Variants in CTXND1 observed in about 807,000 individuals in gnomAD.
CTXND1 encodes cortexin domain containing 1, also known as cortexin domain-containing 1 protein.
At chr15:80,212,227 G>A (rs959597056) in intron 1 of CTXND1, among the ~76,000 whole-genome samples, 1 of 152,174 alleles carries the variant, frequency 6.6e-6, no homozygotes, top group Non-Finnish European at 1.5e-5. Context: ...GCTTCCTCCA[G>A]TCCCGTGTCA....
intron 1 of CTXND1, among the ~76,000 whole-genome samples, chr15:80,227,447 TCTC>T (rs929820156): frequency 3.9e-5 from 6 of 152,154 alleles, no homozygotes; most frequent in African/African-American, 1.4e-4. Flanking sequence ...GTCTATTCTT[TCTC>T]CTCCTCAAGT....
rs1043529415 is a variant in CTXND1 at position 80,200,919 on chromosome 15, C to A, written c.*851G>T. On this transcript the variant is annotated 3_prime_UTR_variant, in exon 3 of 3. Transcript: ENST00000560778. ...CCTACCCAACCGATGGGATGCCCTT[C>A]GGTCACTAAAACTGGCAGCTAAGAA... 1 of 152,158 alleles carries A rather than the reference C, an allele frequency of 6.6e-6. No homozygotes were observed. Among genetic ancestry groups the A allele is most frequent in the Non-Finnish European group, 1.5e-5 (1 of 68,022 alleles). The allele number at this position is 152,158 out of a possible 1,614,324, so 9.4% of individuals were successfully genotyped here.
At chr15:80,217,752 G>A (rs543129717) in intron 1 of CTXND1, among the ~76,000 whole-genome samples, 1 of 152,102 alleles carries the variant, frequency 6.6e-6, no homozygotes, top group Admixed American at 6.5e-5. Flanking sequence ...TCACCATGTT[G>A]CCCAGGCTGG....
chr15:80,247,276 C>T (rs1893643153), intron 1 of CTXND1, among the ~76,000 whole-genome samples: 1 of 152,114 alleles, frequency 6.6e-6, no homozygotes, highest in African/African-American at 2.4e-5. Flanking sequence ...TAGCAACATT[C>T]CACGTGTAGG....
At chr15:80,223,349 G>A (rs747472114) in intron 1 of CTXND1, among the ~76,000 whole-genome samples, 39 of 152,244 alleles carry the variant, frequency 2.6e-4, no homozygotes, top group Non-Finnish European at 4.1e-4. Flanking sequence ...GAGCCACCGC[G>A]CCCGGCCGAG....
intron 1 of CTXND1, among the ~76,000 whole-genome samples, chr15:80,247,720 T>C (rs1242826568): frequency 6.6e-6 from 1 of 152,152 alleles, no homozygotes; most frequent in East Asian, 1.9e-4. Flanking sequence ...CTTGTTCACA[T>C]GGAAATGTGG....
chr15:80,240,860 C>T (rs771280467), intron 1 of CTXND1, among the ~76,000 whole-genome samples: 6 of 152,148 alleles, frequency 3.9e-5, no homozygotes, highest in Non-Finnish European at 7.3e-5. Context: ...TCAAAGCATC[C>T]GGATATCCTG....
rs1176112215 is a variant in CTXND1 at position 80,196,662 on chromosome 15, T to C, written c.*5108A>G. 1 of 152,190 alleles carries C rather than the reference T, an allele frequency of 6.6e-6. No individual in the cohort carries two copies. The highest frequency in any genetic ancestry group is 2.4e-5 in the African/African-American group (1 of 41,434). The allele number at this position is 152,190 out of a possible 1,614,324, so 9.4% of individuals were successfully genotyped here. On this transcript the variant is annotated 3_prime_UTR_variant, in exon 3 of 3. Coordinates refer to ENST00000560778, the MANE Select transcript of CTXND1 (RefSeq NM_001352888.2). ...TTCCCCTGTGCCGGGGACAAAATAT[T>C]TTTCTCCCATCTAAGCAAAGTTTGT...
rs2041442144 is a variant in CTXND1, at chr15:80,200,297, A to C, written c.*1473T>G. 6.6e-6 allele frequency: 1 copy of C among 152,136 alleles called. No individual in the cohort carries two copies. 9.4% of individuals were successfully genotyped at this position (152,136 alleles called of 1,614,324 possible). A position where few individuals can be genotyped will look rare whatever the true frequency, so the allele number is the denominator to read the frequency against. On this transcript the variant is annotated 3_prime_UTR_variant, in exon 3 of 3. Coordinates refer to ENST00000560778, the MANE Select transcript of CTXND1 (RefSeq NM_001352888.2). Reference sequence around the variant, plus strand: ...GTTCTCTCATTTCGTCCTCACAACAACCTTGCGAGGTAGATGTTATTCCCT... The same window carrying C: ...GTTCTCTCATTTCGTCCTCACAACACCCTTGCGAGGTAGATGTTATTCCCT...
intron 1 of CTXND1, among the ~76,000 whole-genome samples, chr15:80,239,718 A>G (rs1893543240): frequency 6.6e-6 from 1 of 152,132 alleles, no homozygotes; most frequent in Admixed American, 6.5e-5. Context: ...AGAGAACCCT[A>G]ATACAATCAC....
chr15:80,233,181 C>T lies in CTXND1; in HGVS notation c.-218+18826G>A, dbSNP rs566153356. Among the ~76,000 whole-genome samples, 10 of 152,152 alleles carry T rather than the reference C, an allele frequency of 6.6e-5. No homozygotes were observed. The South Asian group carries it at 2.1e-3, about 32-fold the overall frequency. ...GTCTTCAACTCCTGACCTTGTGATC[C>T]ACCCGCCTCAGCCTCCAAAAGTGCT... On this transcript the variant is annotated intron_variant, in intron 1 of 2. Transcript: ENST00000560778.
At chr15:80,219,062 G>C (rs1448680388) in intron 1 of CTXND1, among the ~76,000 whole-genome samples, 1 of 149,914 alleles carries the variant, frequency 6.7e-6, no homozygotes, top group African/African-American at 2.5e-5. Flanking sequence ...GTCCGTAGTA[G>C]CTGGGACTAC....
At chr15:80,221,442 A>G (rs1237056845) in intron 1 of CTXND1, among the ~76,000 whole-genome samples, 1 of 152,104 alleles carries the variant, frequency 6.6e-6, no homozygotes, top group African/African-American at 2.4e-5. Flanking sequence ...TTTGGACTCG[A>G]CATGGTGGCA....
At position 80,200,391 on chromosome 15, in the gene CTXND1, A is replaced by C. The variant is rs2041442694; in HGVS notation, c.*1379T>G. ...GTTATTTGGGGTCCTCTAACAAGGA[A>C]GTAGAGGAATTGGGACTTGGGGCCG... On this transcript the variant is annotated 3_prime_UTR_variant, in exon 3 of 3. Coordinates refer to ENST00000560778, the MANE Select transcript of CTXND1 (RefSeq NM_001352888.2). 1 of 152,190 alleles carries C rather than the reference A, an allele frequency of 6.6e-6. No individual in the cohort carries two copies. The highest frequency in any genetic ancestry group is 2.4e-5 in the African/African-American group (1 of 41,412). The allele number at this position is 152,190 out of a possible 1,614,324, so 9.4% of individuals were successfully genotyped here. A position where few individuals can be genotyped will look rare whatever the true frequency, so the allele number is the denominator to read the frequency against.
rs1893392522 is a variant in CTXND1 at position 80,228,192 on chromosome 15, C to A, written c.-218+23815G>T. ...AATTCTAGTTCTCTTGCTATTTCTA[C>A]CACATCTGCGGTTACTTCCCCCACT... On this transcript the variant is annotated intron_variant, in intron 1 of 2. Coordinates refer to ENST00000560778, the MANE Select transcript of CTXND1 (RefSeq NM_001352888.2). Among the ~76,000 whole-genome samples the A allele has an allele frequency of 1.3e-5, 2 of 152,218 alleles. 1 individual carries two copies. Among genetic ancestry groups the A allele is most frequent in the South Asian group, 4.1e-4 (2 of 4,836 alleles).
intron 1 of CTXND1, among the ~76,000 whole-genome samples, chr15:80,227,713 A>G (rs1477232098): frequency 6.6e-6 from 1 of 152,216 alleles, no homozygotes; most frequent in Non-Finnish European, 1.5e-5. Context: ...TTATTGCTAA[A>G]AAATGCTACT....
Position 80,222,814 on chromosome 15 carries a change from C to A in CTXND1, c.-217-19074G>T, listed in dbSNP as rs549981484. On this transcript the variant is annotated intron_variant, in intron 1 of 2. Coordinates refer to ENST00000560778, the MANE Select transcript of CTXND1 (RefSeq NM_001352888.2). ...TTCACTAAATCTGCCATAGTATTTC[C>A]TTGAGTGTGTTTTTCTTTTACAATG... Among the ~76,000 whole-genome samples the A allele has an allele frequency of 8.6e-5, 13 of 151,922 alleles. No individual in the cohort carries two copies. The South Asian group carries it at 2.7e-3, about 31-fold the overall frequency.
chr15:80,224,120 A>G (rs1893348582), intron 1 of CTXND1, among the ~76,000 whole-genome samples: 1 of 152,168 alleles, frequency 6.6e-6, no homozygotes, highest in Non-Finnish European at 1.5e-5. Flanking sequence ...ACTAAAGAGG[A>G]AAGAGGGATG....
At chr15:80,220,472 C>A (rs951460900) in intron 1 of CTXND1, among the ~76,000 whole-genome samples, 4 of 152,162 alleles carry the variant, frequency 2.6e-5, no homozygotes, top group Non-Finnish European at 5.9e-5. Context: ...TATAATACAT[C>A]TTGTTATATG....
Sources: gnomAD v4.1 joint callset for allele counts (sites outside exome capture counted in the v4.1 genomes callset) on GRCh38, gnomAD v4.1.1 for gene constraint, MANE v1.5 for transcripts, NCBI Gene and HGNC (gene_info 2026-07-23, HGNC 2026-07-21) for gene names.